PLSCR5: variants seen among roughly 807,000 people sequenced by gnomAD.
The protein encoded by PLSCR5 is phospholipid scramblase family member 5, also known as phospholipid scramblase family, member 5.
Under a neutral mutation model 33.6 loss-of-function variants are expected in PLSCR5, and 44 were observed. The ratio of observed to expected loss-of-function variants is 1.31; its 90% CI spans 1.03 to 1.69. PLSCR5 has a LOEUF of 1.69. PLSCR5 is among the 40% of genes most tolerant of loss of function. The pLI, the probability that PLSCR5 is intolerant of heterozygous loss-of-function variation, is 0.00. For missense variants in PLSCR5, 375 were observed against 318.7 expected, an observed-to-expected ratio of 1.18 and a Z score of -1.34; for synonymous variants, 148 against 112.3, an observed-to-expected ratio of 1.32 and a Z score of -2.01.
At chr3:146,581,761 T>A (rs2044633952), downstream of PLSCR5, among the ~76,000 whole-genome samples, 1 of 152,246 alleles carries the variant, frequency 6.6e-6, no homozygotes, top group Non-Finnish European at 1.5e-5. Flanking sequence ...TGTATAGATA[T>A]ATTTCAATAC....
intron 2 of PLSCR5, among the ~76,000 whole-genome samples, chr3:146,599,412 A>G (rs1305686889): frequency 1.3e-5 from 2 of 152,116 alleles, no homozygotes; most frequent in African/African-American, 2.4e-5. Flanking sequence ...AAGTCTCTCT[A>G]GTACTTTGAT....
At chr3:146,588,267 G>A (rs1576817645) in intron 6 of PLSCR5, among the ~76,000 whole-genome samples, 3 of 152,006 alleles carry the variant, frequency 2.0e-5, no homozygotes, top group Admixed American at 6.6e-5. Context: ...TCAGAAGATC[G>A]AGACCATCCT....
At chr3:146,580,596 C>T (rs1192413894) in intron 7 of PLSCR5, among the ~76,000 whole-genome samples, 1 of 150,962 alleles carries the variant, frequency 6.6e-6, no homozygotes, top group South Asian at 2.1e-4. Flanking sequence ...TCCCGAGTAG[C>T]TGGGACTACA....
chr3:146,588,732 G>A (rs1215634291), intron 6 of PLSCR5, among the ~76,000 whole-genome samples: 7 of 152,104 alleles, frequency 4.6e-5, no homozygotes, highest in African/African-American at 1.7e-4. Flanking sequence ...TAATAGCATT[G>A]AATCAGTGTT....
chr3:146,591,004 T>TTG (rs1553809621), intron 5 of PLSCR5, among the ~76,000 whole-genome samples: 1 of 149,358 alleles, frequency 6.7e-6, no homozygotes, highest in Non-Finnish European at 1.5e-5. Flanking sequence ...TTTGTTTTTT[T>TTG]TTTTTGTTTT....
chr3:146,596,845 A>T (rs2044765504), intron 2 of PLSCR5, among the ~76,000 whole-genome samples: 1 of 152,132 alleles, frequency 6.6e-6, no homozygotes, highest in Non-Finnish European at 1.5e-5. Flanking sequence ...CTTTTTTAAG[A>T]TTCACAAAAA....
intron 6 of PLSCR5, among the ~76,000 whole-genome samples, chr3:146,587,396 A>G (rs1260655579): frequency 6.6e-6 from 1 of 152,230 alleles, no homozygotes; most frequent in Non-Finnish European, 1.5e-5. Flanking sequence ...CTGTAGTTCC[A>G]ATTTTGGCAG....
chr3:146,580,031 C>T (rs17354140), intron 7 of PLSCR5, among the ~76,000 whole-genome samples: 23,303 of 152,162 alleles, frequency 0.15, 1,949 homozygotes, highest in Non-Finnish European at 0.19. Context: ...ACATATTCAA[C>T]TCATGCGTTA....
intron 2 of PLSCR5, among the ~76,000 whole-genome samples, chr3:146,595,736 T>C (rs978709324): frequency 6.6e-6 from 1 of 152,324 alleles, no homozygotes; most frequent in East Asian, 1.9e-4. Context: ...ATCTCTGAAT[T>C]ATAATGTTTA....
chr3:146,578,650 G>A (rs569178565), intron 7 of PLSCR5, among the ~76,000 whole-genome samples: 1 of 152,100 alleles, frequency 6.6e-6, no homozygotes, highest in East Asian at 1.9e-4. Flanking sequence ...GTGTGGCACT[G>A]GAATCAGATG....
At chr3:146,589,265 T>A (rs2044689657) in intron 6 of PLSCR5, among the ~76,000 whole-genome samples, 1 of 152,192 alleles carries the variant, frequency 6.6e-6, no homozygotes, top group Non-Finnish European at 1.5e-5. Flanking sequence ...TAGCTCACTA[T>A]TATGCAATGA....
chr3:146,592,747 C>CA (rs1368654399), intron 4 of PLSCR5, among the ~76,000 whole-genome samples: 1 of 152,104 alleles, frequency 6.6e-6, no homozygotes, highest in East Asian at 1.9e-4. Flanking sequence ...TGCTATTGAT[C>CA]AAATTTTTTT....
chr3:146,593,208 C>CT (rs749131308), intron 4 of PLSCR5, among the ~76,000 whole-genome samples: 1 of 152,122 alleles, frequency 6.6e-6, no homozygotes, highest in Non-Finnish European at 1.5e-5. Context: ...CTCCACTCTC[C>CT]TTCCTTGACT....
rs749012883 is a variant in PLSCR5, at chr3:146,591,813, A to C, written c.522T>G (p.Pro174=). 6.2e-7 allele frequency: 1 copy of C among 1,612,374 alleles called. No individual in the cohort carries two copies. Among genetic ancestry groups the C allele is most frequent in the South Asian group, 1.1e-5 (1 of 90,820 alleles). Residue 174 remains proline, a synonymous_variant, in exon 5 of 8, where the codon CCT becomes CCG. Coordinates refer to ENST00000443512, the MANE Select transcript of PLSCR5 (RefSeq NM_001085420.2). ...YVTQKWDPFL[P]KFTIQNANKE... ...TGTTTGCATTTTGGATTGTGAATTT[A>C]GGCAGAAAGGGGTCCCACTTCTGCG... is the stretch of plus-strand genomic sequence containing the variant.
At chr3:146,579,023 C>T (rs1264582012) in intron 7 of PLSCR5, among the ~76,000 whole-genome samples, 1 of 151,642 alleles carries the variant, frequency 6.6e-6, no homozygotes. Context: ...TTAAATTATT[C>T]AATTCAAATT....
chr3:146,603,124 G>A (rs2044833312), intron 1 of PLSCR5, among the ~76,000 whole-genome samples: 1 of 152,074 alleles, frequency 6.6e-6, no homozygotes, highest in South Asian at 2.1e-4. Flanking sequence ...AGTTCTAATG[G>A]CACCTGGTAT....
chr3:146,603,344 C>T (rs1679341154), intron 1 of PLSCR5, among the ~76,000 whole-genome samples: 1 of 152,080 alleles, frequency 6.6e-6, no homozygotes, highest in South Asian at 2.1e-4. Flanking sequence ...ATTTGACTTG[C>T]CCTCTTAAAC....
intron 2 of PLSCR5, 110 bp from the exon 3 acceptor site, chr3:146,595,193 A>G (rs1421043023): frequency 2.0e-6 from 1 of 507,218 alleles, no homozygotes; most frequent in Non-Finnish European, 3.2e-6. Context: ...AGTGATTTTC[A>G]TGCTTTCTAT....
chr3:146,600,210 T>G, intron 2 of PLSCR5, 78 bp downstream of exon 2: 1 of 1,123,370 alleles, frequency 8.9e-7, no homozygotes, highest in Non-Finnish European at 1.1e-6. Context: ...CTTTCAACCT[T>G]GATTGAAAAG....
Sources: allele counts gnomAD v4.1 joint callset (sites outside exome capture counted in the v4.1 genomes callset), GRCh38; gene constraint gnomAD v4.1.1; transcripts MANE v1.5; gene names NCBI Gene and HGNC (gene_info 2026-07-23, HGNC 2026-07-21).